The following MTF2 variants were observed in gnomAD, a reference collection of about 807,000 sequenced individuals.
MTF2 encodes the protein metal-response element-binding transcription factor 2.
MTF2 carries 11 observed loss-of-function variants against 79.5 expected under a neutral mutation model. The ratio of observed to expected loss-of-function variants is 0.14; its 90% confidence interval spans 0.09 to 0.23. The LOEUF (loss-of-function observed/expected upper bound fraction) is 0.23, where lower values mean the gene tolerates loss of function less well. MTF2 is among the 10% of genes least tolerant of loss of function. MTF2 has a pLI of 1.00. For synonymous variants in MTF2, 208 were observed against 232.8 expected (o/e 0.89, Z 0.97); for missense variants, 486 against 711.2 (o/e 0.68, Z 3.60).
Position 93,120,689 on chromosome 1 carries a change from C to G in MTF2, c.921+17C>G. 6.2e-7 allele frequency: 1 copy of G among 1,601,184 alleles called. No homozygotes were observed. Among genetic ancestry groups the G allele is most frequent in the Non-Finnish European group, 8.5e-7 (1 of 1,176,046 alleles). ...CCTGGAGAGGTAGGTGGTCTGAGAA[C>G]TAACTTCAGTAGCTACTTGATGTCT... On this transcript the variant is annotated intron_variant, in intron 9 of 14. Transcript: ENST00000370298.
chr1:93,114,517 TAGAA>T (rs1656167992), intron 3 of MTF2, among the ~76,000 whole-genome samples, 167 bp from the exon 4 acceptor site: 1 of 152,238 alleles, frequency 6.6e-6, no homozygotes, highest in Non-Finnish European at 1.5e-5. Flanking sequence ...AAGTTAAAGG[TAGAA>T]AGAACACAGA....
intron 1 of MTF2, among the ~76,000 whole-genome samples, chr1:93,098,719 A>T (rs1038719068): frequency 1.6e-4 from 25 of 152,248 alleles, no homozygotes; most frequent in Non-Finnish European, 1.0e-4. Flanking sequence ...GAATTTTTGC[A>T]TATGAACCAT....
chr1:93,105,095 G>C (rs1021119318), intron 1 of MTF2, among the ~76,000 whole-genome samples: 2 of 135,534 alleles, frequency 1.5e-5, no homozygotes, highest in Non-Finnish European at 3.0e-5. Context: ...AGTGAGCCGA[G>C]ATAGCGCCAC....
intron 1 of MTF2, among the ~76,000 whole-genome samples, chr1:93,106,726 G>A (rs1263228483): frequency 1.3e-5 from 2 of 152,018 alleles, no homozygotes; most frequent in African/African-American, 2.4e-5. Flanking sequence ...TCTCCATGTT[G>A]GTCAGGCTGG....
At chr1:93,126,308 C>T (rs1297752176) in intron 9 of MTF2, among the ~76,000 whole-genome samples, 1 of 151,944 alleles carries the variant, frequency 6.6e-6, no homozygotes, top group African/African-American at 2.4e-5. Flanking sequence ...TTTGTTAACT[C>T]GTGTAAAATA....
chr1:93,098,980 TGA>T (rs1390578328), intron 1 of MTF2, among the ~76,000 whole-genome samples: 1 of 152,062 alleles, frequency 6.6e-6, no homozygotes, highest in African/African-American at 2.4e-5. Context: ...TTACAGATGG[TGA>T]GAGGGGGATG....
intron 1 of MTF2, among the ~76,000 whole-genome samples, chr1:93,088,521 T>C (rs1654940283): frequency 6.6e-6 from 1 of 152,232 alleles, no homozygotes; most frequent in South Asian, 2.1e-4. Flanking sequence ...AAATGTTTGG[T>C]ATTTACCATT....
At chr1:93,122,883 T>C (rs983781944) in intron 9 of MTF2, among the ~76,000 whole-genome samples, 1 of 152,094 alleles carries the variant, frequency 6.6e-6, no homozygotes, top group Non-Finnish European at 1.5e-5. Context: ...TTTATGCTAG[T>C]TTATCATGTT....
rs576985056 is a variant in MTF2, at chr1:93,099,570, T to G, written c.6-10660T>G. Among the ~76,000 whole-genome samples the G allele has an allele frequency of 7.9e-5, 12 of 152,290 alleles. No homozygotes were observed. In the East Asian group the frequency reaches 2.1e-3, roughly 27 times the overall value. On this transcript the variant is annotated intron_variant, in intron 1 of 14. Transcript: ENST00000370298. ...TTTCAACATTCAATATTTTCAACAT[T>G]AAATTCTGTATCTGGGAAAGTATTG...
intron 7 of MTF2, among the ~76,000 whole-genome samples, chr1:93,118,657 T>G (rs1656348043): frequency 6.6e-6 from 1 of 152,236 alleles, no homozygotes. Flanking sequence ...TGATTACATT[T>G]GCTCCTATTG....
intron 1 of MTF2, among the ~76,000 whole-genome samples, chr1:93,084,778 A>AG (rs1477251457): frequency 3.9e-5 from 6 of 152,088 alleles, no homozygotes; most frequent in Admixed American, 3.9e-4. Flanking sequence ...ATTGGGTAGG[A>AG]GGATTGCTTG....
intron 1 of MTF2, among the ~76,000 whole-genome samples, chr1:93,102,328 G>A (rs1049531924): frequency 6.6e-6 from 1 of 152,218 alleles, no homozygotes; most frequent in Admixed American, 6.5e-5. Context: ...GCTGGGCGTG[G>A]TGGCTCATGC....
At chr1:93,101,875 G>A (rs1295863785) in intron 1 of MTF2, among the ~76,000 whole-genome samples, 4 of 151,930 alleles carry the variant, frequency 2.6e-5, no homozygotes, top group Non-Finnish European at 5.9e-5. Context: ...ACAATGCCTG[G>A]CCCGTCTTAA....
At chr1:93,135,120 GC>G (rs1647334439) in intron 14 of MTF2, among the ~76,000 whole-genome samples, 1 of 151,954 alleles carries the variant, frequency 6.6e-6, no homozygotes, top group Admixed American at 6.6e-5. Context: ...ACAGGCGTGC[GC>G]CACCATGCCC....
Position 93,079,509 on chromosome 1 carries a change from C to T in MTF2, c.-18C>T, listed in dbSNP as rs763198611. On this transcript the variant is annotated 5_prime_UTR_variant, in exon 1 of 15. Transcript: ENST00000370298. ...GTTTTTTCCTGTATGAAGCGGTTGG[C>T]ACCACTGAAGTGACCGAATGAGGTG... 16 of 1,613,766 alleles carry T rather than the reference C, an allele frequency of 9.9e-6. No homozygotes were observed. The Admixed American group carries it at 2.7e-4, about 27-fold the overall frequency.
At chr1:93,098,474 T>TA (rs1326319736) in intron 1 of MTF2, among the ~76,000 whole-genome samples, 6 of 152,232 alleles carry the variant, frequency 3.9e-5, no homozygotes, top group Non-Finnish European at 8.8e-5. Flanking sequence ...GTACCTGGCA[T>TA]ATAGCAGGCA....
intron 1 of MTF2, among the ~76,000 whole-genome samples, chr1:93,082,899 T>C (rs530959651): frequency 5.6e-4 from 85 of 152,224 alleles, no homozygotes; most frequent in Non-Finnish European, 1.1e-3. Context: ...ACCACTAATC[T>C]ACCTTCTGTG....
rs71586778 is a variant in MTF2, at chr1:93,101,568, G to GTT, written c.6-8634_6-8633dup. ...TGGTCTTGCCATGTTGCTCAGGCTG[G>GTT]TTTTTTTTTTTTTTTTTTTTTTTTT... On this transcript the variant is annotated intron_variant, in intron 1 of 14. Transcript: ENST00000370298. 1.9e-3 allele frequency among the ~76,000 whole-genome samples: 49 copies of GTT among 25,400 alleles called. 13 individuals carry two copies. The highest frequency in any genetic ancestry group is 4.3e-3 in the African/African-American group (28 of 6,466). The allele number at this position is 25,400 out of a possible 152,430, so 16.7% of individuals were successfully genotyped here.
intron 1 of MTF2, among the ~76,000 whole-genome samples, chr1:93,081,228 C>G (rs1307948994): frequency 6.6e-6 from 1 of 152,168 alleles, no homozygotes; most frequent in Non-Finnish European, 1.5e-5. Flanking sequence ...TTCTTTAAAT[C>G]ATCCCCGTTG....
Sources: allele counts gnomAD v4.1 joint callset (sites outside exome capture counted in the v4.1 genomes callset), GRCh38; gene constraint gnomAD v4.1.1; transcripts MANE v1.5; gene names NCBI Gene and HGNC (gene_info 2026-07-23, HGNC 2026-07-21).